GDAP1: variants seen among roughly 807,000 people sequenced by gnomAD.
The protein encoded by GDAP1 is ganglioside induced differentiation associated protein 1, also known as ganglioside-induced differentiation-associated protein 1.
A neutral mutation model predicts 40.1 loss-of-function variants in GDAP1; 34 were observed. The ratio of observed to expected loss-of-function variants is 0.85; its 90% CI spans 0.64 to 1.13. The LOEUF (loss-of-function observed/expected upper bound fraction) is 1.13. Ranked by LOEUF, GDAP1 falls within the 50% of genes most tolerant of loss-of-function variation. The pLI, the probability that GDAP1 is intolerant of heterozygous loss-of-function variation, is 0.00. For synonymous variants in GDAP1, 170 were observed against 157.4 expected (o/e 1.08, Z -0.60); for missense variants, 374 against 433.7 (o/e 0.86, Z 1.22).
intron 2 of GDAP1, among the ~76,000 whole-genome samples, chr8:74,463,275 G>T: frequency 7.1e-6 from 1 of 141,586 alleles, no homozygotes. Context: ...AACATAGGGA[G>T]ACCCCATATG....
chr8:74,382,990 C>G (rs1485280443), intron 2 of GDAP1, among the ~76,000 whole-genome samples: 1 of 152,146 alleles, frequency 6.6e-6, no homozygotes, highest in African/African-American at 2.4e-5. Context: ...ACACAACAAA[C>G]TTCTTTCTCA....
At chr8:74,429,173 A>C (rs568535650) in intron 2 of GDAP1, among the ~76,000 whole-genome samples, 1 of 152,304 alleles carries the variant, frequency 6.6e-6, no homozygotes, top group Admixed American at 6.5e-5. Context: ...TGCAATAAGC[A>C]TACATGTGCA....
chr8:74,483,583 ACATTT>A (rs1806739761), intron 2 of GDAP1, among the ~76,000 whole-genome samples: 1 of 152,162 alleles, frequency 6.6e-6, no homozygotes, highest in African/African-American at 2.4e-5. Context: ...AGGGTTATAT[ACATTT>A]AAAGCAGTGT....
At position 74,364,434 on chromosome 8, in the gene GDAP1, T is replaced by G. The variant is rs1007110652; in HGVS notation, c.*67T>G. 7 of 1,479,004 alleles carry G rather than the reference T, an allele frequency of 4.7e-6. No individual in the cohort carries two copies. In the African/African-American group the frequency reaches 8.3e-5, roughly 17 times the overall value. The allele number at this position is 1,479,004 out of a possible 1,614,324, so 91.6% of individuals were successfully genotyped here. ...GCTAGACCCTGTGATTGCCCGTGGCTCTCTGAGTCTGTCTTATTGAGTAGT... is the reference window on the plus strand; with the variant it reads ...GCTAGACCCTGTGATTGCCCGTGGCGCTCTGAGTCTGTCTTATTGAGTAGT... On this transcript the variant is annotated 3_prime_UTR_variant, in exon 6 of 6. Transcript: ENST00000220822.
chr8:74,404,250 A>C (rs938452449), intron 2 of GDAP1, among the ~76,000 whole-genome samples: 5 of 149,710 alleles, frequency 3.3e-5, no homozygotes, highest in Admixed American at 3.3e-4. Flanking sequence ...TAATAGTATT[A>C]GGTTGGTGCA....
intron 2 of GDAP1, among the ~76,000 whole-genome samples, chr8:74,354,873 G>T (rs545936368): frequency 7.2e-5 from 11 of 152,184 alleles, no homozygotes; most frequent in Admixed American, 5.2e-4. Context: ...GTGTGCAGTC[G>T]CCCATGGTCA....
At chr8:74,380,580 T>TAG (rs895670395) in intron 2 of GDAP1, among the ~76,000 whole-genome samples, 8 of 152,264 alleles carry the variant, frequency 5.3e-5, no homozygotes, top group African/African-American at 1.9e-4. Context: ...AAAATAAATT[T>TAG]AGAGAGAGAT....
At chr8:74,351,507 A>T (rs1481302381) in intron 2 of GDAP1, 41 bp downstream of exon 2, 1 of 1,332,670 alleles carries the variant, frequency 7.5e-7, no homozygotes, top group Non-Finnish European at 1.1e-6. Flanking sequence ...ATTTACTTTC[A>T]ACACAACTAT....
At chr8:74,360,391 C>A in intron 3 of GDAP1, 81 bp downstream of exon 3, 1 of 1,188,440 alleles carries the variant, frequency 8.4e-7, no homozygotes, top group South Asian at 1.2e-5. Flanking sequence ...GTCTCATGGT[C>A]ACTAAAAGAA....
At chr8:74,390,615 GTTGACCC>G (rs555511813) in intron 2 of GDAP1, among the ~76,000 whole-genome samples, 244 of 152,302 alleles carry the variant, frequency 1.6e-3, no homozygotes, top group Middle Eastern at 3.4e-3. Flanking sequence ...TGAGATGTCT[GTTGACCC>G]TTGCTGGGAG....
chr8:74,446,590 A>C (rs1806229801), intron 2 of GDAP1, among the ~76,000 whole-genome samples: 1 of 152,194 alleles, frequency 6.6e-6, no homozygotes, highest in African/African-American at 2.4e-5. Flanking sequence ...TTCAAGTCAT[A>C]ATTTTGGAAT....
rs1300978505 is a variant in GDAP1, at chr8:74,366,333, A to C, written c.*1966A>C. On this transcript the variant is annotated 3_prime_UTR_variant, in exon 6 of 6. Coordinates refer to ENST00000220822, the MANE Select transcript of GDAP1 (RefSeq NM_018972.4). ...CTAAGATTGAGTGTTCTTTTTGTTCAGCAACTCTTCTAAAATGTTTCAAGC... is the reference window on the plus strand; with the variant it reads ...CTAAGATTGAGTGTTCTTTTTGTTCCGCAACTCTTCTAAAATGTTTCAAGC... 4.4e-6 allele frequency: 2 copies of C among 454,352 alleles called. No individual in the cohort carries two copies. Among genetic ancestry groups the C allele is most frequent in the African/African-American group, 4.0e-5 (2 of 49,990 alleles). The allele number at this position is 454,352 out of a possible 1,614,324, so 28.1% of individuals were successfully genotyped here.
At chr8:74,389,794 C>A (rs909318597) in intron 2 of GDAP1, among the ~76,000 whole-genome samples, 2 of 152,162 alleles carry the variant, frequency 1.3e-5, no homozygotes, top group African/African-American at 4.8e-5. Context: ...CAATTCTCCC[C>A]GTCACTTTCA....
intron 2 of GDAP1, among the ~76,000 whole-genome samples, chr8:74,462,012 A>G (rs1337983834): frequency 2.0e-5 from 3 of 152,258 alleles, no homozygotes; most frequent in Non-Finnish European, 4.4e-5. Context: ...TGAGTCTTAG[A>G]ATAAACATCA....
intron 2 of GDAP1, among the ~76,000 whole-genome samples, chr8:74,404,324 C>CTA (rs1162321018): frequency 6.7e-6 from 1 of 148,888 alleles, no homozygotes; most frequent in Admixed American, 6.6e-5. Flanking sequence ...TTTCACCAAC[C>CTA]TATAGTAGCT....
In GDAP1 at chr8:74,410,727, A is replaced by G. The variant is rs975757945; in HGVS notation, c.165+59406A>G. Among the ~76,000 whole-genome samples the G allele has an allele frequency of 6.7e-5, 10 of 150,288 alleles. 1 individual carries two copies. Among genetic ancestry groups the G allele is most frequent in the African/African-American group, 2.0e-4 (8 of 39,588 alleles). On this transcript the variant is annotated intron_variant, in intron 2 of 2. Transcript: ENST00000523640. ...CAAGTCTGGGAACCTGAACAGAAGC[A>G]TGTGAAAAGAAGCAGCTCAGTGGTC...
At chr8:74,370,792 C>T (rs927690571), downstream of GDAP1, among the ~76,000 whole-genome samples, 1 of 152,042 alleles carries the variant, frequency 6.6e-6, no homozygotes, top group Non-Finnish European at 1.5e-5. Context: ...GTATGGAAAG[C>T]GATATACCAG....
At chr8:74,434,999 C>T (rs1005797619) in intron 2 of GDAP1, among the ~76,000 whole-genome samples, 11 of 152,010 alleles carry the variant, frequency 7.2e-5, no homozygotes, top group Admixed American at 5.9e-4. Flanking sequence ...GTAACTGATC[C>T]TAAAATTAAA....
chr8:74,422,351 TCC>T (rs58007950), intron 2 of GDAP1, among the ~76,000 whole-genome samples: 1 of 30,846 alleles, frequency 3.2e-5, no homozygotes, highest in Admixed American at 3.7e-4. Context: ...CTTTCTTTCT[TCC>T]CTTCCTTCCT....
Sources: allele counts gnomAD v4.1 joint callset (sites outside exome capture counted in the v4.1 genomes callset), GRCh38; gene constraint gnomAD v4.1.1; transcripts MANE v1.5; gene names NCBI Gene and HGNC (gene_info 2026-07-23, HGNC 2026-07-21).